SHC3: variants seen among roughly 807,000 people sequenced by gnomAD.
The protein encoded by SHC3 is SHC-transforming protein 3.
SHC3 carries 15 observed loss-of-function variants against 60.4 expected under a neutral mutation model. The ratio of observed to expected loss-of-function variants is 0.25; its 90% CI spans 0.17 to 0.38. The LOEUF is 0.38. SHC3 is among the 10% of genes least tolerant of loss of function. The pLI, the probability that SHC3 is intolerant of heterozygous loss-of-function variation, is 1.00. For synonymous variants in SHC3, 294 were observed against 325.9 expected, an observed-to-expected ratio of 0.90 and a Z score of 1.05; for missense variants, 677 against 786.1, an observed-to-expected ratio of 0.86 and a Z score of 1.66.
In SHC3 at chr9:89,178,555, G is replaced by T; in HGVS notation, c.-95C>A. The T allele has an allele frequency of 8.0e-7, 1 of 1,256,698 alleles. No homozygotes were observed. 77.8% of individuals were successfully genotyped at this position (1,256,698 alleles called of 1,614,324 possible). ...TAGCAGGCGAGCCACTGTCCCCGGAGCGGGACGGAGAGTGGGGGCCCCGGG... is the reference window on the plus strand; with the variant it reads ...TAGCAGGCGAGCCACTGTCCCCGGATCGGGACGGAGAGTGGGGGCCCCGGG... On this transcript the variant is annotated 5_prime_UTR_variant, in exon 1 of 12. Coordinates refer to ENST00000375835, the MANE Select transcript of SHC3 (RefSeq NM_016848.6). The surrounding 1 kb of genome is among the most constrained non-coding windows in gnomAD (Gnocchi z 6.9).
chr9:89,042,174 G>A lies in SHC3; in HGVS notation c.1212C>T (p.Asp404=), dbSNP rs1041361097. Reference sequence around the variant, plus strand: ...GTTTCCCTTCTGGCGTGCTGTAGATGTCCGAGGACCCTGCAACAAGAAAGT... The same window carrying A: ...GTTTCCCTTCTGGCGTGCTGTAGATATCCGAGGACCCTGCAACAAGAAAGT... ...QQTPLRQGSS[D]IYSTPEGKLH... is the part of the protein sequence containing the mutation. The change falls in exon 10 of 12, where the codon GAC becomes GAT. Residue 404 remains aspartate (D), a synonymous_variant. Coordinates refer to ENST00000375835, the MANE Select transcript of SHC3 (RefSeq NM_016848.6). 4 of 1,510,494 alleles carry A rather than the reference G, an allele frequency of 2.6e-6. No individual in the cohort carries two copies. The highest frequency in any genetic ancestry group is 2.8e-5 in the African/African-American group (2 of 70,210). The allele number at this position is 1,510,494 out of a possible 1,614,324, so 93.6% of individuals were successfully genotyped here.
chr9:89,152,413 G>A (rs796291834), intron 1 of SHC3, among the ~76,000 whole-genome samples: 27 of 152,334 alleles, frequency 1.8e-4, no homozygotes, highest in African/African-American at 5.8e-4. Flanking sequence ...GAATATTTAC[G>A]TTTTCAAAAT....
intron 1 of SHC3, among the ~76,000 whole-genome samples, chr9:89,151,567 T>C (rs1396544366): frequency 6.6e-6 from 1 of 152,128 alleles, no homozygotes; most frequent in Non-Finnish European, 1.5e-5. Flanking sequence ...AATTACCCAG[T>C]TTAAGGTATT....
chr9:89,101,559 T>G (rs1337365654), intron 2 of SHC3, among the ~76,000 whole-genome samples: 1 of 151,918 alleles, frequency 6.6e-6, no homozygotes, highest in Non-Finnish European at 1.5e-5. Flanking sequence ...ATAATGAATG[T>G]ATGTTGAATT....
At chr9:89,173,996 G>A (rs1339147008) in intron 1 of SHC3, among the ~76,000 whole-genome samples, 1 of 151,894 alleles carries the variant, frequency 6.6e-6, no homozygotes, top group African/African-American at 2.4e-5. Context: ...CAGTCTAGAG[G>A]TAAAATAAAA....
intron 6 of SHC3, among the ~76,000 whole-genome samples, chr9:89,056,127 T>C (rs776067051): frequency 1.1e-4 from 16 of 152,258 alleles, no homozygotes; most frequent in Non-Finnish European, 1.9e-4. Flanking sequence ...TCATCTTGAA[T>C]GTGGAAGGGC....
chr9:89,012,206 A>G lies in SHC3; in HGVS notation c.*1241T>C, dbSNP rs1311747978. Reference sequence around the variant, plus strand: ...TCAGCCCAGATAGTATTTGAAAGGTATAAACATTGCCAGCTTTCTAACACC... The same window carrying G: ...TCAGCCCAGATAGTATTTGAAAGGTGTAAACATTGCCAGCTTTCTAACACC... On this transcript the variant is annotated 3_prime_UTR_variant, in exon 12 of 12. Transcript: ENST00000375835. The G allele has an allele frequency of 6.6e-6, 1 of 152,224 alleles. No homozygotes were observed. Among genetic ancestry groups the G allele is most frequent in the East Asian group, 1.9e-4 (1 of 5,192 alleles). The allele number at this position is 152,224 out of a possible 1,614,324, so 9.4% of individuals were successfully genotyped here.
At chr9:89,054,712 G>A (rs761248739) in intron 6 of SHC3, among the ~76,000 whole-genome samples, 3 of 152,196 alleles carry the variant, frequency 2.0e-5, no homozygotes, top group African/African-American at 4.8e-5. Flanking sequence ...GCACAGAATC[G>A]AGATTCCAAA....
intron 5 of SHC3, among the ~76,000 whole-genome samples, chr9:89,066,172 C>T (rs949295339): frequency 1.6e-4 from 24 of 152,118 alleles, no homozygotes; most frequent in Non-Finnish European, 2.6e-4. Context: ...GCCATACCCC[C>T]GAGTTTCTAA....
intron 6 of SHC3, among the ~76,000 whole-genome samples, chr9:89,058,752 AG>A (rs1363528166): frequency 7.1e-6 from 1 of 141,422 alleles, no homozygotes. Context: ...GCGGTGGTGG[AG>A]GATGGTGGTG....
chr9:89,015,566 A>G (rs1826079219), intron 11 of SHC3, among the ~76,000 whole-genome samples: 1 of 152,240 alleles, frequency 6.6e-6, no homozygotes, highest in East Asian at 1.9e-4. Context: ...ACATATATGT[A>G]TTTACTGACT....
intron 6 of SHC3, among the ~76,000 whole-genome samples, chr9:89,058,532 G>A (rs960654171): frequency 6.6e-6 from 1 of 150,818 alleles, no homozygotes; most frequent in East Asian, 2.0e-4. Context: ...GACAATGATG[G>A]AGGATTTACA....
At chr9:89,019,819 A>G (rs1266585093) in intron 11 of SHC3, among the ~76,000 whole-genome samples, 1 of 152,240 alleles carries the variant, frequency 6.6e-6, no homozygotes, top group East Asian at 1.9e-4. Context: ...TCAAGGTGTC[A>G]GTTCTTTGCA....
chr9:89,070,676 C>T (rs1825256080), intron 5 of SHC3, among the ~76,000 whole-genome samples: 1 of 152,168 alleles, frequency 6.6e-6, no homozygotes, highest in African/African-American at 2.4e-5. Context: ...GTTCTCGAGT[C>T]TTCTTCTTAC....
chr9:89,059,429 C>A (rs1825028151), intron 6 of SHC3, among the ~76,000 whole-genome samples: 1 of 126,692 alleles, frequency 7.9e-6, no homozygotes, highest in South Asian at 2.6e-4. Context: ...TAGTGGTGGA[C>A]ATGGTGGAGG....
chr9:89,087,551 T>C (rs1825552311), intron 2 of SHC3, among the ~76,000 whole-genome samples: 1 of 152,194 alleles, frequency 6.6e-6, no homozygotes, highest in South Asian at 2.1e-4. Flanking sequence ...CCCACATGCC[T>C]GCTTCTTGTG....
At chr9:89,044,246 T>A (rs976492303) in intron 9 of SHC3, among the ~76,000 whole-genome samples, 2 of 152,246 alleles carry the variant, frequency 1.3e-5, no homozygotes, top group Admixed American at 1.3e-4. Flanking sequence ...TAGCCCATAA[T>A]GAAAATGTCC....
rs531119536 is a variant in SHC3 at position 89,089,488 on chromosome 9, A to T, written c.546-11585T>A. Among the ~76,000 whole-genome samples, 50 of 152,324 alleles carry T rather than the reference A, an allele frequency of 3.3e-4. No individual in the cohort carries two copies. In the South Asian group the frequency reaches 8.9e-3, roughly 27 times the overall value. The stretch of plus-strand genomic sequence containing the variant: ...GAACCAGCTCCAGACCTTAAAGCTC[A>T]CACACCACCAGAAGCCAGCACTGCC... On this transcript the variant is annotated intron_variant, in intron 2 of 11. Coordinates refer to ENST00000375835, the MANE Select transcript of SHC3 (RefSeq NM_016848.6).
chr9:89,079,626 C>A (rs1476964013), intron 2 of SHC3, among the ~76,000 whole-genome samples: 1 of 152,200 alleles, frequency 6.6e-6, no homozygotes, highest in East Asian at 1.9e-4. Context: ...GAGCTTGCAA[C>A]AGGACCCAGC....
Sources: allele counts gnomAD v4.1 joint callset (sites outside exome capture counted in the v4.1 genomes callset), GRCh38; gene constraint gnomAD v4.1.1; non-coding constraint Gnocchi (gnomAD v3.1); transcripts MANE v1.5; gene names NCBI Gene and HGNC (gene_info 2026-07-23, HGNC 2026-07-21).